The following MAPK10 variants were observed in gnomAD, a reference collection of about 807,000 sequenced individuals.
The protein encoded by MAPK10 is mitogen-activated protein kinase 10, also known as JNK3 alpha protein kinase.
In MAPK10, 25 loss-of-function variants were observed where a neutral mutation model predicts 59.3. The ratio of observed to expected loss-of-function variants is 0.42; its 90% CI spans 0.31 to 0.59. The LOEUF is 0.59. MAPK10 is among the 20% of genes least tolerant of loss of function. The pLI is 0.15. For synonymous variants in MAPK10, 190 were observed against 200.5 expected, an observed-to-expected ratio of 0.95 and a Z score of 0.44; for missense variants, 351 against 568.9, an observed-to-expected ratio of 0.62 and a Z score of 3.90.
chr4:86,241,376 C>G (rs2092711365), intron 2 of MAPK10, among the ~76,000 whole-genome samples: 1 of 152,104 alleles, frequency 6.6e-6, no homozygotes, highest in Admixed American at 6.5e-5. Context: ...GTTGGTCTGT[C>G]TTGCTAGGTT....
At chr4:86,578,624 A>G (rs369771429) in intron 1 of MAPK10, among the ~76,000 whole-genome samples, 13 of 152,208 alleles carry the variant, frequency 8.5e-5, no homozygotes, top group African/African-American at 3.1e-4. Flanking sequence ...AGGTTAAACT[A>G]TTTGTGAACA....
chr4:86,119,149 GAAT>G (rs1298577762), intron 4 of MAPK10, among the ~76,000 whole-genome samples: 2 of 152,044 alleles, frequency 1.3e-5, no homozygotes, highest in African/African-American at 2.4e-5. Flanking sequence ...ACAGAATTCT[GAAT>G]AATAATAACT....
chr4:86,567,467 G>T (rs185953354), intron 1 of MAPK10, among the ~76,000 whole-genome samples: 7 of 152,072 alleles, frequency 4.6e-5, no homozygotes, highest in Non-Finnish European at 7.4e-5. Flanking sequence ...TGATCCACCC[G>T]CCTCGGCCTC....
chr4:86,290,100 T>C (rs1340707671), intron 2 of MAPK10, among the ~76,000 whole-genome samples: 1 of 152,178 alleles, frequency 6.6e-6, no homozygotes, highest in Non-Finnish European at 1.5e-5. Flanking sequence ...TTTAAGTGTG[T>C]TTGGCCACAG....
intron 1 of MAPK10, among the ~76,000 whole-genome samples, chr4:86,415,930 T>A (rs1286012207): frequency 1.3e-5 from 2 of 152,206 alleles, no homozygotes; most frequent in African/African-American, 2.4e-5. Flanking sequence ...CAAAGTTGGA[T>A]TTAAGTTTTA....
At chr4:86,175,587 C>G (rs888075470) in intron 3 of MAPK10, among the ~76,000 whole-genome samples, 9 of 152,070 alleles carry the variant, frequency 5.9e-5, no homozygotes, top group Admixed American at 5.2e-4. Context: ...TCCCTCCTCT[C>G]TCTCTTCCTC....
At chr4:86,196,188 T>C (rs2081271874) in intron 2 of MAPK10, among the ~76,000 whole-genome samples, 1 of 152,154 alleles carries the variant, frequency 6.6e-6, no homozygotes, top group African/African-American at 2.4e-5. Context: ...CCCACCAACA[T>C]TGTAAAAGCA....
intron 1 of MAPK10, among the ~76,000 whole-genome samples, chr4:86,557,980 A>G (rs1280845952): frequency 6.6e-6 from 1 of 152,136 alleles, no homozygotes; most frequent in Non-Finnish European, 1.5e-5. Context: ...AATGGTTGCA[A>G]GAAATTAAAT....
chr4:86,105,702 C>T (rs1270787057), intron 5 of MAPK10, among the ~76,000 whole-genome samples: 3 of 152,086 alleles, frequency 2.0e-5, no homozygotes, highest in Admixed American at 6.6e-5. Context: ...ATTTAACATA[C>T]TGAAAGAACA....
chr4:86,206,619 A>G lies in MAPK10; in HGVS notation c.-6-12212T>C, dbSNP rs1446782552. On this transcript the variant is annotated intron_variant, in intron 2 of 13. Coordinates refer to ENST00000641462, the MANE Select transcript of MAPK10 (RefSeq NM_138982.4). ...AGTTCTAGATCCCTGAAGAATCACC[A>G]CACTGACTTCCACAAGGGTTGAACT... Among the ~76,000 whole-genome samples, 5 of 152,350 alleles carry G rather than the reference A, an allele frequency of 3.3e-5. No homozygotes were observed. In the East Asian group the frequency reaches 9.7e-4, roughly 29 times the overall value.
rs1022700850 is a variant in MAPK10 at position 86,100,921 on chromosome 4, C to T, written c.730+131G>A. ...TTCTTACCAGTAGTATTAAAAAAAA[C>T]CCTGAATATGCTATCTGGCAGCCCT... On this transcript the variant is annotated intron_variant, in intron 8 of 13. Transcript: ENST00000641462. 29 of 706,964 alleles carry T rather than the reference C, an allele frequency of 4.1e-5. No individual in the cohort carries two copies. The African/African-American group carries it at 5.1e-4, about 12-fold the overall frequency. The allele number at this position is 706,964 out of a possible 1,614,324, so 43.8% of individuals were successfully genotyped here. A position where few individuals can be genotyped will look rare whatever the true frequency, so the allele number is the denominator to read the frequency against.
chr4:86,204,412 A>G (rs559424353), intron 2 of MAPK10, among the ~76,000 whole-genome samples: 2 of 152,100 alleles, frequency 1.3e-5, no homozygotes, highest in East Asian at 1.9e-4. Flanking sequence ...GACACAAAAT[A>G]GTATGATTTG....
In MAPK10 at chr4:86,547,186, C is replaced by T. The variant is rs961610833; in HGVS notation, c.-263+46724G>A. Among the ~76,000 whole-genome samples the T allele has an allele frequency of 3.3e-5, 5 of 152,240 alleles. No individual in the cohort carries two copies. The East Asian group carries it at 7.7e-4, about 24-fold the overall frequency. On this transcript the variant is annotated intron_variant, in intron 1 of 4. Transcript: ENST00000502302. ...AGTTCTCACAGCCCTCGCTTCCTCTCGGCGCCTCCCCTGCCTGGGTTCCCA... is the reference window on the plus strand; with the variant it reads ...AGTTCTCACAGCCCTCGCTTCCTCTTGGCGCCTCCCCTGCCTGGGTTCCCA...
chr4:86,037,616 A>G (rs769848208), intron 11 of MAPK10, among the ~76,000 whole-genome samples: 1 of 152,102 alleles, frequency 6.6e-6, no homozygotes, highest in Non-Finnish European at 1.5e-5. Flanking sequence ...TTTATTTTTT[A>G]CTGAATCTTT....
intron 4 of MAPK10, among the ~76,000 whole-genome samples, chr4:86,141,662 T>C (rs1418445260): frequency 2.6e-5 from 4 of 152,208 alleles, no homozygotes; most frequent in Non-Finnish European, 5.9e-5. Context: ...AATTTATTGA[T>C]AGAGAATACA....
chr4:86,271,800 C>A (rs1264054022), intron 2 of MAPK10, among the ~76,000 whole-genome samples: 1 of 152,050 alleles, frequency 6.6e-6, no homozygotes, highest in Non-Finnish European at 1.5e-5. Flanking sequence ...CTCATGAGAA[C>A]TCACTCACTA....
intron 3 of MAPK10, among the ~76,000 whole-genome samples, chr4:86,178,838 G>A (rs923247463): frequency 3.9e-5 from 6 of 152,158 alleles, no homozygotes; most frequent in African/African-American, 1.4e-4. Flanking sequence ...CAATAAAATT[G>A]CAGAATGCAA....
Position 86,228,345 on chromosome 4 carries a change from A to G in MAPK10, c.-6-33938T>C, listed in dbSNP as rs529379606. On this transcript the variant is annotated intron_variant, in intron 2 of 13. Coordinates refer to ENST00000641462, the MANE Select transcript of MAPK10 (RefSeq NM_138982.4). Reference sequence around the variant, plus strand: ...TAGCTCTGGGAGGGGCAATCTCTCCAGGATCAAGGCCCGAGATGCCAGAGA... The same window carrying G: ...TAGCTCTGGGAGGGGCAATCTCTCCGGGATCAAGGCCCGAGATGCCAGAGA... 4.6e-5 allele frequency among the ~76,000 whole-genome samples: 7 copies of G among 152,326 alleles called. No homozygotes were observed. The East Asian group carries it at 1.4e-3, about 29-fold the overall frequency.
At chr4:86,091,387 T>C (rs1028480590) in intron 9 of MAPK10, 1 of 151,782 alleles carries the variant, frequency 6.6e-6, no homozygotes, top group Non-Finnish European at 1.5e-5. Flanking sequence ...TCACATTGAC[T>C]CTATGGAACT....
Sources: allele counts gnomAD v4.1 joint callset (sites outside exome capture counted in the v4.1 genomes callset), GRCh38; gene constraint gnomAD v4.1.1; transcripts MANE v1.5; gene names NCBI Gene and HGNC (gene_info 2026-07-23, HGNC 2026-07-21).